The following RBFOX1 variants were observed in gnomAD, a reference collection of about 807,000 sequenced individuals.
The protein encoded by RBFOX1 is RNA binding protein fox-1 homolog 1.
A neutral mutation model predicts 57.7 loss-of-function variants in RBFOX1; 8 were observed. The observed-to-expected ratio is 0.14, with a 90% confidence interval of 0.08 to 0.25. The LOEUF (loss-of-function observed/expected upper bound fraction) is 0.25. RBFOX1 is among the 10% of genes least tolerant of loss of function. The pLI, the probability that RBFOX1 is intolerant of heterozygous loss-of-function variation, is 1.00. For missense variants in RBFOX1, 611 were observed against 548.5 expected (o/e 1.11, Z -1.14); for synonymous variants, 326 against 222.4 (o/e 1.47, Z -4.15).
intron 3 of RBFOX1, among the ~76,000 whole-genome samples, chr16:6,813,346 T>C (rs185547078): frequency 6.6e-6 from 1 of 152,192 alleles, no homozygotes; most frequent in Non-Finnish European, 1.5e-5. Flanking sequence ...TTCATGTAAC[T>C]GCCTTCAGAA....
intron 4 of RBFOX1, among the ~76,000 whole-genome samples, chr16:7,116,146 T>C (rs1306741590): frequency 6.6e-6 from 1 of 152,188 alleles, no homozygotes; most frequent in Non-Finnish European, 1.5e-5. Flanking sequence ...TGAAATTCTC[T>C]TCTCCGTGTC....
At chr16:5,856,472 A>G (rs1478072549) in intron 3 of RBFOX1, among the ~76,000 whole-genome samples, 1 of 136,832 alleles carries the variant, frequency 7.3e-6, no homozygotes. Flanking sequence ...TGAGATCCTC[A>G]GAGCTTATCC....
At chr16:7,496,980 C>G (rs970972318) in intron 4 of RBFOX1, among the ~76,000 whole-genome samples, 2 of 152,100 alleles carry the variant, frequency 1.3e-5, no homozygotes, top group Non-Finnish European at 2.9e-5. Context: ...TCTGTCTCCA[C>G]TTGGCTTTGT....
chr16:5,763,247 G>A (rs1359493970), intron 3 of RBFOX1, among the ~76,000 whole-genome samples: 2 of 152,220 alleles, frequency 1.3e-5, no homozygotes, highest in East Asian at 3.9e-4. Context: ...ACTCGGATCA[G>A]AAGGAGGCTT....
chr16:5,697,535 CT>C (rs35569754), intron 3 of RBFOX1, among the ~76,000 whole-genome samples: 65 of 138,790 alleles, frequency 4.7e-4, no homozygotes, highest in African/African-American at 1.4e-3. Flanking sequence ...CTTTTCTATT[CT>C]TTTTTTTTTT....
intron 3 of RBFOX1, among the ~76,000 whole-genome samples, chr16:6,672,253 T>TA (rs2098770288): frequency 6.6e-6 from 1 of 152,032 alleles, no homozygotes; most frequent in South Asian, 2.1e-4. Context: ...CCATAACGCT[T>TA]AGAGTCCATT....
intron 3 of RBFOX1, among the ~76,000 whole-genome samples, chr16:5,787,331 C>T (rs1162214615): frequency 2.0e-5 from 3 of 152,156 alleles, no homozygotes; most frequent in Non-Finnish European, 4.4e-5. Context: ...AGAAGAGCCT[C>T]ACAGTGAATT....
chr16:7,247,709 C>T (rs1018264490), intron 4 of RBFOX1, among the ~76,000 whole-genome samples: 2 of 152,206 alleles, frequency 1.3e-5, no homozygotes, highest in Non-Finnish European at 1.5e-5. Flanking sequence ...ATACGGGAAA[C>T]ATAGCCTCTT....
At chr16:6,619,983 G>A (rs1356512128) in intron 2 of RBFOX1, among the ~76,000 whole-genome samples, 1 of 152,124 alleles carries the variant, frequency 6.6e-6, no homozygotes, top group Non-Finnish European at 1.5e-5. Context: ...TCCTGCGTTA[G>A]TTTGCTAAGT....
intron 4 of RBFOX1, among the ~76,000 whole-genome samples, chr16:7,067,081 C>T (rs577527225): frequency 1.1e-4 from 17 of 152,280 alleles, no homozygotes; most frequent in African/African-American, 4.1e-4. Context: ...CACACAGAAT[C>T]TATACCAGGC....
chr16:5,822,161 T>C (rs1286414997), intron 3 of RBFOX1, among the ~76,000 whole-genome samples: 4 of 152,240 alleles, frequency 2.6e-5, no homozygotes, highest in Admixed American at 6.5e-5. Context: ...GAGACTATTA[T>C]TCTAAGTGAA....
At chr16:6,996,221 G>C (rs1307556779) in intron 3 of RBFOX1, among the ~76,000 whole-genome samples, 4 of 152,162 alleles carry the variant, frequency 2.6e-5, no homozygotes, top group African/African-American at 4.8e-5. Context: ...CTTGAATACA[G>C]GAAGGCTTAG....
At chr16:6,916,315 A>C (rs1377880855) in intron 3 of RBFOX1, among the ~76,000 whole-genome samples, 2 of 152,052 alleles carry the variant, frequency 1.3e-5, no homozygotes, top group African/African-American at 4.8e-5. Context: ...CCGTTGATGG[A>C]CAGTTGGGTT....
At chr16:5,889,980 C>T (rs899254741) in intron 4 of RBFOX1, among the ~76,000 whole-genome samples, 1 of 152,180 alleles carries the variant, frequency 6.6e-6, no homozygotes, top group Non-Finnish European at 1.5e-5. Flanking sequence ...AGATGTAGCT[C>T]CAGCTTCTCC....
chr16:7,228,084 A>C (rs939730968), intron 4 of RBFOX1, among the ~76,000 whole-genome samples: 2 of 152,152 alleles, frequency 1.3e-5, no homozygotes, highest in Non-Finnish European at 2.9e-5. Flanking sequence ...TCTGTGGGTG[A>C]ATTTTCCTGG....
intron 3 of RBFOX1, among the ~76,000 whole-genome samples, chr16:6,744,891 C>A (rs548390588): frequency 1.3e-5 from 2 of 151,912 alleles, no homozygotes; most frequent in Non-Finnish European, 2.9e-5. Context: ...ATCTTTGAAA[C>A]CAAAAGCTGG....
intron 2 of RBFOX1, among the ~76,000 whole-genome samples, chr16:5,484,297 G>A (rs374772259): frequency 6.6e-6 from 1 of 152,216 alleles, no homozygotes; most frequent in African/African-American, 2.4e-5. Context: ...CTTTCTGGCT[G>A]TCATTTGGAG....
chr16:5,294,651 C>T (rs979667381), intron 1 of RBFOX1, among the ~76,000 whole-genome samples: 1 of 152,074 alleles, frequency 6.6e-6, no homozygotes, highest in Non-Finnish European at 1.5e-5. Flanking sequence ...TCTGAACACC[C>T]CTATGTTTCC....
chr16:6,827,361 T>C (rs2092284909), intron 3 of RBFOX1, among the ~76,000 whole-genome samples: 1 of 152,082 alleles, frequency 6.6e-6, no homozygotes, highest in South Asian at 2.1e-4. Flanking sequence ...TGGGAAGATG[T>C]GTTGTGTGCC....
Sources: allele counts gnomAD v4.1 joint callset (sites outside exome capture counted in the v4.1 genomes callset), GRCh38; gene constraint gnomAD v4.1.1; transcripts MANE v1.5; gene names NCBI Gene and HGNC (gene_info 2026-07-23, HGNC 2026-07-21).